KIF27: variants seen among roughly 807,000 people sequenced by gnomAD.
KIF27 encodes the protein kinesin-like protein KIF27.
KIF27 carries 84 observed loss-of-function variants against 141.8 expected under a neutral mutation model. The observed-to-expected ratio is 0.59, with a 90% CI of 0.50 to 0.71. The LOEUF is 0.71. Among genes scored for constraint, KIF27 ranks in the 30% least tolerant of loss-of-function variants. The probability of loss-of-function intolerance (pLI) is 0.00; values close to 1 mark genes in which losing one functional copy is unlikely to be tolerated. For synonymous variants in KIF27, 471 were observed against 569.5 expected (o/e 0.83, Z 2.46); for missense variants, 1,306 against 1,628.4 (o/e 0.80, Z 3.41).
At chr9:83,901,152 G>A (rs1953847768) in intron 4 of KIF27, among the ~76,000 whole-genome samples, 1 of 152,090 alleles carries the variant, frequency 6.6e-6, no homozygotes, top group South Asian at 2.1e-4. Context: ...AGAAACAGGG[G>A]TCTCATTTTG....
In KIF27 at chr9:83,908,461, C is replaced by T; in HGVS notation, c.490G>A (p.Gly164Arg). The T allele has an allele frequency of 1.9e-6, 3 of 1,603,562 alleles. No individual in the cohort carries two copies. The highest frequency in any genetic ancestry group is 2.6e-6 in the Non-Finnish European group (3 of 1,174,022). Residue 164 changes from glycine to arginine, a missense_variant, in exon 3 of 18, where the codon GGA (glycine) becomes AGA (arginine). Gly to Arg is a moderately radical substitution (Grantham distance 125). This residue lies in a region of KIF27 where 533 missense variants were observed against 565.6 expected (regional missense o/e 0.94). Coordinates refer to ENST00000297814, the MANE Select transcript of KIF27 (RefSeq NM_017576.4). The stretch of plus-strand genomic sequence containing the variant: ...AAGTGTGCTACTTTACCTGTGTTTC[C>T]TTTTTCATCTTCTCGGATGTGAAGA... ...KDLHIREDEK[G>R]NTVIVGAKEC...
chr9:83,846,987 T>C (rs553210126), intron 16 of KIF27, among the ~76,000 whole-genome samples: 1 of 152,206 alleles, frequency 6.6e-6, no homozygotes, highest in South Asian at 2.1e-4. Context: ...ATGCAAGAAA[T>C]ACAGGAGATC....
chr9:83,888,137 C>A (rs1242057606), intron 8 of KIF27, among the ~76,000 whole-genome samples: 3 of 128,052 alleles, frequency 2.3e-5, no homozygotes, highest in Non-Finnish European at 4.9e-5. Context: ...TGATGTTAGG[C>A]ACAAGTCCCA....
Position 83,857,435 on chromosome 9 carries a change from G to A in KIF27, c.3150+1721C>T, listed in dbSNP as rs1412742995. Among the ~76,000 whole-genome samples, 6 of 152,076 alleles carry A rather than the reference G, an allele frequency of 3.9e-5. No individual in the cohort carries two copies. In the South Asian group the frequency reaches 1.0e-3, roughly 26 times the overall value. On this transcript the variant is annotated intron_variant, in intron 14 of 17. Coordinates refer to ENST00000297814, the MANE Select transcript of KIF27 (RefSeq NM_017576.4). ...AGAAGAACCAACCATGTGGAAGAAA[G>A]GTGCATAGAAGCTCATGTGAGTAAG...
chr9:83,876,381 C>G (rs1231816935), intron 11 of KIF27, among the ~76,000 whole-genome samples: 1 of 152,148 alleles, frequency 6.6e-6, no homozygotes. Context: ...TACTGGTACA[C>G]TAAAAATTAC....
At chr9:83,894,335 CA>C (rs1477867237) in intron 5 of KIF27, among the ~76,000 whole-genome samples, 1 of 152,212 alleles carries the variant, frequency 6.6e-6, no homozygotes, top group Admixed American at 6.5e-5. Context: ...ATCACACTAG[CA>C]AACCAAATCT....
chr9:83,848,013 C>T (rs1427108396), intron 16 of KIF27: 13 of 139,242 alleles, frequency 9.3e-5, no homozygotes, highest in South Asian at 2.2e-4. Flanking sequence ...ATCTATATAT[C>T]ATATATGCTA....
chr9:83,887,654 C>A lies in KIF27; in HGVS notation c.2084-458G>T, dbSNP rs1222247301. Among the ~76,000 whole-genome samples, 15 of 152,112 alleles carry A rather than the reference C, an allele frequency of 9.9e-5. 1 individual carries two copies. The South Asian group carries it at 2.7e-3, about 27-fold the overall frequency. On this transcript the variant is annotated intron_variant, in intron 8 of 17. Transcript: ENST00000297814. ...AATGTAAATCAACTATGTCACTAAG[C>A]ACACTGCTTTAGTTCAGGTGACATT...
chr9:83,883,073 C>CAATAAT (rs199851043), intron 10 of KIF27, among the ~76,000 whole-genome samples: 5 of 151,054 alleles, frequency 3.3e-5, no homozygotes, highest in Non-Finnish European at 7.4e-5. Flanking sequence ...TGGCATAGTT[C>CAATAAT]AATAATAATA....
rs141160200 is a variant in KIF27 at position 83,909,842 on chromosome 9, C to T, written c.299-1190G>A. Among the ~76,000 whole-genome samples the T allele has an allele frequency of 1.7e-3, 260 of 152,036 alleles. 1 individual carries two copies. The highest frequency in any genetic ancestry group is 5.8e-3 in the African/African-American group (241 of 41,450). On this transcript the variant is annotated intron_variant, in intron 2 of 17. Transcript: ENST00000297814. Reference sequence around the variant, plus strand: ...CATGGGGAGGCCGAGGTGGGTGGACCGCTTGAGCTAAGAAGTTTGAGACAA... The same window carrying T: ...CATGGGGAGGCCGAGGTGGGTGGACTGCTTGAGCTAAGAAGTTTGAGACAA...
At chr9:83,858,396 A>G (rs1387313691) in intron 14 of KIF27, 1 of 152,168 alleles carries the variant, frequency 6.6e-6, no homozygotes, top group Non-Finnish European at 1.5e-5. Context: ...ACCTTCTCTT[A>G]GCAATTTTCC....
chr9:83,861,318 A>G (rs1186713271), intron 13 of KIF27, among the ~76,000 whole-genome samples: 1 of 151,770 alleles, frequency 6.6e-6, no homozygotes, highest in African/African-American at 2.4e-5. Context: ...TCCTAATGCT[A>G]TCCCTCCCCC....
chr9:83,906,611 G>A (rs898840864), intron 3 of KIF27, among the ~76,000 whole-genome samples: 8 of 151,592 alleles, frequency 5.3e-5, no homozygotes, highest in Admixed American at 2.6e-4. Context: ...GCGTGGTGGC[G>A]GGCGCCTGTT....
chr9:83,902,059 T>C (rs912255233), intron 4 of KIF27, among the ~76,000 whole-genome samples: 2 of 152,176 alleles, frequency 1.3e-5, no homozygotes, highest in Non-Finnish European at 2.9e-5. Context: ...GCTTTAAAAG[T>C]GTAAAGAAGT....
intron 16 of KIF27, 39 bp from the exon 17 acceptor site, chr9:83,842,440 T>C: frequency 6.8e-7 from 1 of 1,472,094 alleles, no homozygotes; most frequent in Non-Finnish European, 9.0e-7. Context: ...CAGTTTTAAA[T>C]AAATGATGCA....
At position 83,903,989 on chromosome 9, in the gene KIF27, C is replaced by G. The variant is rs1217896307; in HGVS notation, c.529G>C (p.Glu177Gln). 2 of 1,608,666 alleles carry G rather than the reference C, an allele frequency of 1.2e-6. No homozygotes were observed. Among genetic ancestry groups the G allele is most frequent in the Admixed American group, 1.7e-5 (1 of 59,082 alleles). ...VIVGAKECHVESAGEVMSLLE... is the reference protein window; with the variant it reads ...VIVGAKECHVQSAGEVMSLLE... ...AGACTCATCACTTCACCTGCACTCT[C>G]CACATGGCATTCCTTGGCCCCAACA... Residue 177 changes from glutamate to glutamine, a missense_variant, in exon 4 of 18, where the codon GAG (glutamate) becomes CAG (glutamine). Glu to Gln is a conservative substitution (Grantham distance 29). Transcript: ENST00000297814.
chr9:83,870,418 C>T (rs1192710874), intron 12 of KIF27, 101 bp downstream of exon 12: 10 of 1,509,102 alleles, frequency 6.6e-6, no homozygotes, highest in Admixed American at 2.1e-5. Context: ...CCACCCACCT[C>T]GGCGTCCCAA....
At chr9:83,893,872 C>A (rs1326634831) in intron 5 of KIF27, among the ~76,000 whole-genome samples, 3 of 151,752 alleles carry the variant, frequency 2.0e-5, no homozygotes, top group Non-Finnish European at 2.9e-5. Flanking sequence ...ATTTTACTAG[C>A]TAGTGAAACT....
intron 3 of KIF27, among the ~76,000 whole-genome samples, chr9:83,906,021 A>T (rs1301517154): frequency 6.6e-6 from 1 of 152,236 alleles, no homozygotes; most frequent in Non-Finnish European, 1.5e-5. Context: ...CAAGTTTATC[A>T]AGAGTGATGG....
Sources: gnomAD v4.1 joint callset for allele counts (sites outside exome capture counted in the v4.1 genomes callset) on GRCh38, gnomAD v4.1.1 for gene constraint, gnomAD v4.1.1 regional missense constraint, MANE v1.5 for transcripts, NCBI Gene and HGNC (gene_info 2026-07-23, HGNC 2026-07-21) for gene names.